The following USP53 variants were observed in gnomAD, a reference collection of about 807,000 sequenced individuals.
The protein encoded by USP53 is ubiquitin specific peptidase 53, also known as ubiquitin carboxyl-terminal hydrolase 53.
A neutral mutation model predicts 94.9 loss-of-function variants in USP53; 71 were observed. The ratio of observed to expected loss-of-function variants is 0.75; its 90% CI spans 0.62 to 0.91. The LOEUF is 0.91. Among genes scored for constraint, USP53 ranks in the 40% least tolerant of loss-of-function variants. The pLI is 0.00. For synonymous variants in USP53, 375 were observed against 422.7 expected, an observed-to-expected ratio of 0.89 and a Z score of 1.39; for missense variants, 1,173 against 1,281.0, an observed-to-expected ratio of 0.92 and a Z score of 1.29.
intron 17 of USP53, among the ~76,000 whole-genome samples, chr4:119,275,665 T>C (rs1341534119): frequency 5.9e-5 from 9 of 152,178 alleles, no homozygotes; most frequent in African/African-American, 2.2e-4. Flanking sequence ...GGGGATAGCA[T>C]TGAATCTGTA....
chr4:119,271,166 T>A, intron 15 of USP53, 130 bp from the exon 16 acceptor site: 3 of 1,372,372 alleles, frequency 2.2e-6, no homozygotes, highest in Non-Finnish European at 2.8e-6. Context: ...CAAAGCAGTA[T>A]GTGATATGTA....
chr4:119,224,161 G>T (rs148443415), intron 3 of USP53, among the ~76,000 whole-genome samples: 1 of 151,992 alleles, frequency 6.6e-6, no homozygotes, highest in South Asian at 2.1e-4. Context: ...CACCACACCC[G>T]GCTGATTTTT....
At chr4:119,288,938 C>CAA (rs35580805) in intron 17 of USP53, among the ~76,000 whole-genome samples, 15 of 106,980 alleles carry the variant, frequency 1.4e-4, no homozygotes, top group South Asian at 3.2e-4. Flanking sequence ...AACTCTGTCT[C>CAA]AAAAAAAAAA....
intron 3 of USP53, among the ~76,000 whole-genome samples, chr4:119,222,981 T>C (rs1220045190): frequency 6.6e-6 from 1 of 152,198 alleles, no homozygotes; most frequent in African/African-American, 2.4e-5. Flanking sequence ...ATTTTTCCCT[T>C]GTGGATTATG....
rs553643759 is a variant in USP53, at chr4:119,279,920, G to A, written c.2251+6212G>A. Among the ~76,000 whole-genome samples, 8 of 152,284 alleles carry A rather than the reference G, an allele frequency of 5.3e-5. No individual in the cohort carries two copies. In the East Asian group the frequency reaches 9.7e-4, roughly 18 times the overall value. On this transcript the variant is annotated intron_variant, in intron 17 of 18. Coordinates refer to ENST00000692078, the MANE Select transcript of USP53 (RefSeq NM_001371395.1). ...CGGAAAGGGGACTCCCTGACCCCTCGTGCTTCCCAGGTGAGGCAATGCCTC... is the reference window on the plus strand; with the variant it reads ...CGGAAAGGGGACTCCCTGACCCCTCATGCTTCCCAGGTGAGGCAATGCCTC...
At chr4:119,248,361 G>T (rs1490463136) in intron 6 of USP53, among the ~76,000 whole-genome samples, 1 of 134,128 alleles carries the variant, frequency 7.5e-6, no homozygotes, top group Admixed American at 7.6e-5. Flanking sequence ...TGATTTAGAG[G>T]CTGGTGCAAA....
intron 5 of USP53, among the ~76,000 whole-genome samples, chr4:119,243,860 T>TATA (rs11471449): frequency 0.29 from 43,792 of 151,956 alleles, 6,433 homozygotes; most frequent in East Asian, 0.38. Flanking sequence ...TATTTAATAC[T>TATA]ATACTATTTA....
At chr4:119,244,435 C>T (rs1005809350) in intron 5 of USP53, among the ~76,000 whole-genome samples, 2 of 152,022 alleles carry the variant, frequency 1.3e-5, no homozygotes, top group Admixed American at 6.6e-5. Context: ...TTCTTAGTTA[C>T]GTTATCTGAG....
At position 119,245,331 on chromosome 4, in the gene USP53, T is replaced by A. The variant is rs1372403448; in HGVS notation, c.145-6T>A. The A allele has an allele frequency of 1.2e-6, 2 of 1,612,594 alleles. No individual in the cohort carries two copies. The highest frequency in any genetic ancestry group is 2.7e-5 in the African/African-American group (2 of 75,004). On this transcript the variant is annotated splice_polypyrimidine_tract_variant and splice_region_variant and intron_variant, in intron 5 of 18. Coordinates refer to ENST00000692078, the MANE Select transcript of USP53 (RefSeq NM_001371395.1). ...TCTTTTTCCTTAACATCTCCCTGTT[T>A]TTTAGGTTTTATGGCAATTGGATAT...
At chr4:119,244,335 G>A (rs528615240) in intron 5 of USP53, among the ~76,000 whole-genome samples, 8 of 152,276 alleles carry the variant, frequency 5.3e-5, no homozygotes, top group African/African-American at 1.9e-4. Context: ...TAGTTGTGGA[G>A]TAGTTGAAAA....
intron 13 of USP53, among the ~76,000 whole-genome samples, chr4:119,267,747 T>C (rs1032100136): frequency 6.6e-6 from 1 of 152,208 alleles, no homozygotes; most frequent in African/African-American, 2.4e-5. Context: ...TAGAAGTACA[T>C]TTTAAGTGAT....
intron 12 of USP53, among the ~76,000 whole-genome samples, chr4:119,262,543 GA>G (rs1750637519): frequency 6.6e-6 from 1 of 152,086 alleles, no homozygotes; most frequent in Non-Finnish European, 1.5e-5. Flanking sequence ...AAGTTACTTA[GA>G]AAATTATAAG....
chr4:119,243,937 T>C (rs1443508221), intron 5 of USP53, among the ~76,000 whole-genome samples: 1 of 152,222 alleles, frequency 6.6e-6, no homozygotes, highest in Non-Finnish European at 1.5e-5. Context: ...ATTTAATCCT[T>C]ACAACAGCCC....
At chr4:119,259,233 A>G (rs1164799728) in intron 9 of USP53, among the ~76,000 whole-genome samples, 1 of 146,278 alleles carries the variant, frequency 6.8e-6, no homozygotes, top group Non-Finnish European at 1.5e-5. Context: ...GTGAGCCAAG[A>G]TTGCACCATT....
At chr4:119,215,361 CAA>C (rs1743573813) in intron 2 of USP53, among the ~76,000 whole-genome samples, 1 of 152,104 alleles carries the variant, frequency 6.6e-6, no homozygotes, top group South Asian at 2.1e-4. Flanking sequence ...TAAAAATCCT[CAA>C]AGGTTAAATT....
chr4:119,292,549 G>C lies in USP53; in HGVS notation c.2560G>C (p.Val854Leu), dbSNP rs920269567. The change falls in exon 19 of 19, where the codon GTG becomes CTG. Residue 854 changes from valine (V) to leucine (L), a missense_variant. Physicochemically the swap from Val to Leu is conservative, Grantham distance 32 (BLOSUM62 1). Transcript: ENST00000692078. Reference sequence around the variant, plus strand: ...TGATAACTCTGCTTCTGGGAAGAGAGTGAACAGTAATGAACCATCTTCATT... The same window carrying C: ...TGATAACTCTGCTTCTGGGAAGAGACTGAACAGTAATGAACCATCTTCATT... The part of the protein sequence containing the change: ...HVDNSASGKR[V>L]NSNEPSSLWS... 1 of 1,613,938 alleles carries C rather than the reference G, an allele frequency of 6.2e-7. No individual in the cohort carries two copies. Among genetic ancestry groups the C allele is most frequent in the African/African-American group, 1.3e-5 (1 of 74,914 alleles).
intron 12 of USP53, among the ~76,000 whole-genome samples, chr4:119,264,591 A>C (rs1402982542): frequency 6.6e-6 from 1 of 152,230 alleles, no homozygotes; most frequent in Non-Finnish European, 1.5e-5. Context: ...TATTCAGTAC[A>C]TCATTAGCCA....
At chr4:119,247,749 A>G (rs759954830) in intron 6 of USP53, among the ~76,000 whole-genome samples, 3 of 152,148 alleles carry the variant, frequency 2.0e-5, no homozygotes, top group Non-Finnish European at 2.9e-5. Context: ...AATCTTAAAC[A>G]TTACCTGGAA....
intron 15 of USP53, among the ~76,000 whole-genome samples, chr4:119,270,463 G>C (rs1035483828): frequency 2.6e-5 from 4 of 151,904 alleles, no homozygotes; most frequent in Non-Finnish European, 4.4e-5. Flanking sequence ...AAAATATCCT[G>C]GTTTGTTCTT....
Sources: allele counts gnomAD v4.1 joint callset (sites outside exome capture counted in the v4.1 genomes callset), GRCh38; gene constraint gnomAD v4.1.1; transcripts MANE v1.5; gene names NCBI Gene and HGNC (gene_info 2026-07-23, HGNC 2026-07-21).